The following NRG1 variants were observed in gnomAD, a reference collection of about 807,000 sequenced individuals.
NRG1 encodes neuregulin 1, also known as pro-neuregulin-1, membrane-bound isoform.
In NRG1, 18 loss-of-function variants were observed where a neutral mutation model predicts 63.8. That is an observed-to-expected ratio of 0.28 (90% CI 0.19 to 0.42). The LOEUF is 0.42. Among genes scored for constraint, NRG1 ranks in the 10% least tolerant of loss-of-function variants. The pLI, the probability that NRG1 is intolerant of heterozygous loss-of-function variation, is 1.00. For missense variants in NRG1, 762 were observed against 814.7 expected, an observed-to-expected ratio of 0.94 and a Z score of 0.79; for synonymous variants, 302 against 301.3, an observed-to-expected ratio of 1.00 and a Z score of -0.02.
chr8:32,456,952 T>G (rs1051960937), intron 1 of NRG1, among the ~76,000 whole-genome samples: 1 of 151,878 alleles, frequency 6.6e-6, no homozygotes, highest in Admixed American at 6.6e-5. Flanking sequence ...GCCAACATGG[T>G]GAAACCCCAA....
chr8:32,701,173 AT>A (rs1814778924), intron 5 of NRG1, among the ~76,000 whole-genome samples: 1 of 152,072 alleles, frequency 6.6e-6, no homozygotes, highest in African/African-American at 2.4e-5. Flanking sequence ...CATCTTCTCT[AT>A]TTTCAAAGAA....
chr8:31,770,596 A>G (rs2131566707), intron 1 of NRG1, among the ~76,000 whole-genome samples: 1 of 150,440 alleles, frequency 6.6e-6, no homozygotes, highest in South Asian at 2.1e-4. Context: ...GAAGGGGAAC[A>G]TCACACACCG....
intron 1 of NRG1, among the ~76,000 whole-genome samples, chr8:32,048,904 A>G (rs540535324): frequency 4.6e-5 from 7 of 151,870 alleles, no homozygotes; most frequent in African/African-American, 1.2e-4. Context: ...ATGTTTTCCC[A>G]TAGGATAGAT....
chr8:31,866,007 T>C (rs953808012), intron 1 of NRG1, among the ~76,000 whole-genome samples: 12 of 152,166 alleles, frequency 7.9e-5, no homozygotes, highest in Non-Finnish European at 1.8e-4. Context: ...GAGGGACAGA[T>C]GTGGCCTCAC....
intron 1 of NRG1, among the ~76,000 whole-genome samples, chr8:31,710,267 G>A (rs995789947): frequency 7.2e-5 from 11 of 151,752 alleles, no homozygotes; most frequent in African/African-American, 2.7e-4. Context: ...TGTTTTCGCT[G>A]TTATTTCTAG....
intron 1 of NRG1, among the ~76,000 whole-genome samples, chr8:32,015,933 A>G (rs938537187): frequency 6.6e-6 from 1 of 151,984 alleles, no homozygotes; most frequent in African/African-American, 2.4e-5. Flanking sequence ...CAAATACAAT[A>G]TAAGAATTTA....
chr8:32,574,052 T>C (rs1839159497), intron 1 of NRG1, among the ~76,000 whole-genome samples: 1 of 152,206 alleles, frequency 6.6e-6, no homozygotes, highest in Admixed American at 6.5e-5. Context: ...CAGTCTATCA[T>C]TGTTGGACAT....
rs540180737 is a variant in NRG1, at chr8:32,063,653, T to C, written c.37+424222T>C. ...AAAACTTGCAGTCAAAAACTTTTGA[T>C]AAAGCTGTGAAGACTTGTTAGGTCA... On this transcript the variant is annotated intron_variant, in intron 1 of 10. Transcript: ENST00000519301. 5.9e-5 allele frequency among the ~76,000 whole-genome samples: 9 copies of C among 152,210 alleles called. No homozygotes were observed. The South Asian group carries it at 1.7e-3, about 28-fold the overall frequency.
intron 1 of NRG1, among the ~76,000 whole-genome samples, chr8:32,196,434 C>T (rs1425771058): frequency 1.3e-5 from 2 of 152,072 alleles, no homozygotes; most frequent in Non-Finnish European, 2.9e-5. Flanking sequence ...TTTTCATCAC[C>T]TATGCTTAGA....
At position 32,141,964 on chromosome 8, in the gene NRG1, C is replaced by T. The variant is rs566383356; in HGVS notation, c.38-453864C>T. On this transcript the variant is annotated intron_variant, in intron 1 of 10. Transcript: ENST00000519301. ...GAGTTTTGCTAGTAATCTTCAGCTC[C>T]GTGGGAAGCCTTTGGACTCTGTTGC... is the stretch of plus-strand genomic sequence containing the variant. Among the ~76,000 whole-genome samples, 10 of 152,162 alleles carry T rather than the reference C, an allele frequency of 6.6e-5. No individual in the cohort carries two copies. In the East Asian group the frequency reaches 1.6e-3, roughly 24 times the overall value.
rs543768424 is a variant in NRG1 at position 31,677,473 on chromosome 8, T to C, written c.37+38042T>C. Among the ~76,000 whole-genome samples, 224 of 152,258 alleles carry C rather than the reference T, an allele frequency of 1.5e-3. 3 individuals carry two copies. Among genetic ancestry groups the C allele is most frequent in the Admixed American group, 6.7e-3 (102 of 15,302 alleles). On this transcript the variant is annotated intron_variant, in intron 1 of 10. Transcript: ENST00000519301. The stretch of plus-strand genomic sequence containing the variant: ...CTCCTATAACATTTTTCTAACTTAA[T>C]TGTCAGAATCTGTTCTCTAGTAGAA...
At chr8:32,506,716 T>A (rs916007129) in intron 1 of NRG1, among the ~76,000 whole-genome samples, 17 of 151,488 alleles carry the variant, frequency 1.1e-4, no homozygotes, top group African/African-American at 3.4e-4. Context: ...TTGGGGGGTA[T>A]GTGGGGGGAT....
chr8:32,152,175 C>A (rs980320528), intron 1 of NRG1, among the ~76,000 whole-genome samples: 4 of 152,186 alleles, frequency 2.6e-5, no homozygotes, highest in Non-Finnish European at 5.9e-5. Flanking sequence ...AATGGAAATG[C>A]TGTTTTCTAA....
exon 1 of NRG1, chr8:32,548,376 GGGA>G: frequency 1.9e-6 from 2 of 1,038,246 alleles, no homozygotes; most frequent in Non-Finnish European, 2.3e-6. Context: ...GCCGGACGAT[GGGA>G]GCGTGAGCAG....
chr8:31,807,255 G>A (rs1822377024), intron 1 of NRG1, among the ~76,000 whole-genome samples: 1 of 152,128 alleles, frequency 6.6e-6, no homozygotes, highest in Non-Finnish European at 1.5e-5. Context: ...TACACTACTT[G>A]AGCATGTGGA....
At chr8:32,215,506 C>G (rs1845123171) in intron 1 of NRG1, among the ~76,000 whole-genome samples, 1 of 152,168 alleles carries the variant, frequency 6.6e-6, no homozygotes, top group Non-Finnish European at 1.5e-5. Context: ...CTTCATCTCA[C>G]TAATCCTCAC....
intron 5 of NRG1, among the ~76,000 whole-genome samples, chr8:32,675,190 T>C (rs1459634298): frequency 2.0e-5 from 3 of 152,232 alleles, no homozygotes; most frequent in Non-Finnish European, 2.9e-5. Context: ...TACTCTCCAG[T>C]GTTTCTGCTG....
At chr8:32,529,149 C>T (rs755150628) in intron 1 of NRG1, among the ~76,000 whole-genome samples, 12 of 152,362 alleles carry the variant, frequency 7.9e-5, no homozygotes, top group Non-Finnish European at 1.3e-4. Context: ...CAAATCCATA[C>T]AGCCTGCTAC....
intron 1 of NRG1, among the ~76,000 whole-genome samples, chr8:32,410,992 C>T (rs1450792506): frequency 1.3e-5 from 2 of 151,762 alleles, no homozygotes; most frequent in Admixed American, 1.3e-4. Context: ...TCTCCTGCCT[C>T]AGCCTCCCAA....
Sources: allele counts gnomAD v4.1 joint callset (sites outside exome capture counted in the v4.1 genomes callset), GRCh38; gene constraint gnomAD v4.1.1; transcripts MANE v1.5; gene names NCBI Gene and HGNC (gene_info 2026-07-23, HGNC 2026-07-21).